The following NALCN variants were observed in gnomAD, a reference collection of about 807,000 sequenced individuals.
The protein encoded by NALCN is sodium leak channel NALCN.
A neutral mutation model predicts 225.3 loss-of-function variants in NALCN; 111 were observed. The observed-to-expected ratio is 0.49, with a 90% CI of 0.42 to 0.58. NALCN has a LOEUF of 0.58. Among genes scored for constraint, NALCN ranks in the 20% least tolerant of loss-of-function variants. The pLI is 0.00. For synonymous variants in NALCN, 764 were observed against 769.0 expected (o/e 0.99, Z 0.11); for missense variants, 1,378 against 2,202.4 (o/e 0.63, Z 7.49).
At chr13:101,232,512 C>T (rs530612109) in intron 12 of NALCN, among the ~76,000 whole-genome samples, 1 of 149,062 alleles carries the variant, frequency 6.7e-6, no homozygotes, top group East Asian at 2.0e-4. Context: ...GTGGAGCGAT[C>T]TCGGCTCACT....
chr13:101,268,514 C>G (rs941100884), intron 10 of NALCN, among the ~76,000 whole-genome samples: 1 of 152,114 alleles, frequency 6.6e-6, no homozygotes, highest in Non-Finnish European at 1.5e-5. Context: ...AGGTGTTTAG[C>G]TTTGTTACTC....
At chr13:101,149,596 C>T (rs889534574) in intron 15 of NALCN, among the ~76,000 whole-genome samples, 1 of 152,194 alleles carries the variant, frequency 6.6e-6, no homozygotes, top group Non-Finnish European at 1.5e-5. Context: ...GGTCATTGCG[C>T]TGTGAAACTA....
At chr13:101,107,665 A>G in intron 21 of NALCN, 33 bp downstream of exon 21, 1 of 1,613,948 alleles carries the variant, frequency 6.2e-7, no homozygotes, top group Non-Finnish European at 8.5e-7. Flanking sequence ...CCATTCCCGA[A>G]TGAGAGCCAT....
chr13:101,236,168 A>C (rs1438279209), intron 12 of NALCN, among the ~76,000 whole-genome samples: 1 of 152,216 alleles, frequency 6.6e-6, no homozygotes, highest in African/African-American at 2.4e-5. Context: ...AAAAATGCTC[A>C]CCATCACTGG....
chr13:101,300,348 TTTC>T (rs1320502738), intron 7 of NALCN, among the ~76,000 whole-genome samples: 2 of 145,654 alleles, frequency 1.4e-5, no homozygotes, highest in East Asian at 2.0e-4. Flanking sequence ...TCTTTTTCTT[TTTC>T]TTCTTTCTTT....
At chr13:101,371,512 A>G (rs898965558) in intron 6 of NALCN, among the ~76,000 whole-genome samples, 1 of 152,058 alleles carries the variant, frequency 6.6e-6, no homozygotes, top group Non-Finnish European at 1.5e-5. Context: ...TTATTTTTTT[A>G]AAAACTGCCA....
At chr13:101,330,950 G>A (rs893979557) in intron 7 of NALCN, among the ~76,000 whole-genome samples, 6 of 152,142 alleles carry the variant, frequency 3.9e-5, no homozygotes, top group African/African-American at 1.4e-4. Context: ...CAGCCATGTG[G>A]AACTGTGAAT....
At chr13:101,188,484 A>G (rs2039537783) in intron 14 of NALCN, among the ~76,000 whole-genome samples, 1 of 152,060 alleles carries the variant, frequency 6.6e-6, no homozygotes, top group Non-Finnish European at 1.5e-5. Flanking sequence ...AGAAAACTTA[A>G]TATTAATCTT....
intron 12 of NALCN, among the ~76,000 whole-genome samples, chr13:101,232,770 A>T (rs565420420): frequency 7.9e-5 from 12 of 152,140 alleles, no homozygotes; most frequent in Middle Eastern, 3.2e-3. Context: ...CTTAACATAC[A>T]TTCCCAAATC....
intron 7 of NALCN, among the ~76,000 whole-genome samples, chr13:101,313,992 A>T (rs7338943): frequency 0.41 from 61,841 of 151,566 alleles, 12,969 homozygotes; most frequent in Middle Eastern, 0.47. Context: ...TAAAAAATGA[A>T]GAGTTCATGT....
intron 6 of NALCN, among the ~76,000 whole-genome samples, chr13:101,367,537 C>T (rs1053296635): frequency 3.9e-5 from 6 of 152,024 alleles, no homozygotes; most frequent in Non-Finnish European, 8.8e-5. Flanking sequence ...CTTAATTCCA[C>T]GTCCCATGCA....
chr13:101,068,623 C>T, intron 38 of NALCN, 72 bp downstream of exon 38: 2 of 1,389,290 alleles, frequency 1.4e-6, no homozygotes, highest in Non-Finnish European at 1.9e-6. Context: ...AGGGTAATTG[C>T]TTGAAAATAA....
At position 101,232,717 on chromosome 13, in the gene NALCN, A is replaced by T. The variant is rs112488169; in HGVS notation, c.1435-3133T>A. ...TGCCTCGGCCTCCCAAAGTGCTGGG[A>T]TTACAGGTGTGAGCCACTGCACCCG... On this transcript the variant is annotated intron_variant, in intron 12 of 43. Transcript: ENST00000251127. Among the ~76,000 whole-genome samples, 624 of 152,218 alleles carry T rather than the reference A, an allele frequency of 4.1e-3. 3 individuals are homozygous for T. The highest frequency in any genetic ancestry group is 0.014 in the African/African-American group (593 of 41,518).
chr13:101,101,338 T>A (rs1291384540), intron 26 of NALCN, among the ~76,000 whole-genome samples: 3 of 136,804 alleles, frequency 2.2e-5, no homozygotes, highest in African/African-American at 8.4e-5. Context: ...TGGAGTGCAA[T>A]GGTGCAATCT....
intron 15 of NALCN, among the ~76,000 whole-genome samples, chr13:101,149,352 G>A (rs1003711725): frequency 2.0e-5 from 3 of 151,528 alleles, no homozygotes; most frequent in Non-Finnish European, 4.4e-5. Context: ...ATATTTTATC[G>A]AATATCCTTG....
At chr13:101,213,691 A>C (rs1447505919) in intron 13 of NALCN, among the ~76,000 whole-genome samples, 1 of 152,246 alleles carries the variant, frequency 6.6e-6, no homozygotes, top group African/African-American at 2.4e-5. Context: ...ACACATGAAA[A>C]AATGCTCATC....
intron 7 of NALCN, among the ~76,000 whole-genome samples, chr13:101,308,934 A>G (rs2044246531): frequency 1.3e-5 from 2 of 152,160 alleles, no homozygotes; most frequent in South Asian, 4.1e-4. Flanking sequence ...AACTCCACCC[A>G]TAGATCTAAA....
At chr13:101,277,303 ACATTT>A (rs778479298) in intron 10 of NALCN, among the ~76,000 whole-genome samples, 2 of 152,180 alleles carry the variant, frequency 1.3e-5, no homozygotes, top group Non-Finnish European at 2.9e-5. Context: ...ATTTTTTAGT[ACATTT>A]CATTTATAAG....
intron 9 of NALCN, among the ~76,000 whole-genome samples, chr13:101,287,321 G>A (rs1207510849): frequency 1.3e-5 from 2 of 152,158 alleles, no homozygotes; most frequent in Non-Finnish European, 2.9e-5. Context: ...TTAACATGAG[G>A]CCAGAACAAA....
Sources: gnomAD v4.1 joint callset for allele counts (sites outside exome capture counted in the v4.1 genomes callset) on GRCh38, gnomAD v4.1.1 for gene constraint, MANE v1.5 for transcripts, NCBI Gene and HGNC (gene_info 2026-07-23, HGNC 2026-07-21) for gene names.